Variants in RGS6 observed in about 807,000 individuals in gnomAD.
RGS6 encodes regulator of G protein signaling 6, also known as regulator of G-protein signaling 6.
In RGS6, 30 loss-of-function variants were observed where a neutral mutation model predicts 78.5. The ratio of observed to expected loss-of-function variants is 0.38; its 90% CI spans 0.29 to 0.52. RGS6 has a LOEUF of 0.52. RGS6 is among the 20% of genes least tolerant of loss of function. RGS6 has a pLI of 0.85. For missense variants in RGS6, 495 were observed against 609.7 expected, an observed-to-expected ratio of 0.81 and a Z score of 1.98; for synonymous variants, 206 against 206.0, an observed-to-expected ratio of 1.00 and a Z score of 0.00.
intron 2 of RGS6, among the ~76,000 whole-genome samples, chr14:72,341,917 C>CT (rs3831614): frequency 0.47 from 70,814 of 151,850 alleles, 16,855 homozygotes; most frequent in South Asian, 0.6. Flanking sequence ...ATGTTCCCTG[C>CT]CTTTTCCAGG....
chr14:72,217,407 A>G (rs2045851131), intron 2 of RGS6, among the ~76,000 whole-genome samples: 1 of 152,210 alleles, frequency 6.6e-6, no homozygotes, highest in Non-Finnish European at 1.5e-5. Context: ...CAGTGTGGTA[A>G]GAAGACCTCT....
chr14:71,895,899 G>C, the RGS6 span, among the ~76,000 whole-genome samples: 126,236 of 152,000 alleles, frequency 0.83, 52,615 homozygotes, highest in African/African-American at 0.85. Flanking sequence ...CAGAGAGAGC[G>C]AGGAGATGCA....
chr14:72,562,757 C>T lies in RGS6; in HGVS notation c.*290C>T. On this transcript the variant is annotated 3_prime_UTR_variant, in exon 18 of 18. Transcript: ENST00000553525. ...ACTCGCTAAGAGGCCCTGATCCCAG[C>T]TCATTCAGGGGAGAACACGTCGTGG... 2.6e-6 allele frequency: 4 copies of T among 1,534,064 alleles called. No individual in the cohort carries two copies. The highest frequency in any genetic ancestry group is 3.5e-6 in the Non-Finnish European group (4 of 1,145,010).
the RGS6 span, among the ~76,000 whole-genome samples, chr14:71,918,677 A>T: frequency 2.0e-5 from 3 of 152,178 alleles, no homozygotes; most frequent in Non-Finnish European, 4.4e-5. Context: ...TTATATGTGT[A>T]TATTTTCTTA....
chr14:72,134,437 G>C (rs546224632), intron 2 of RGS6, among the ~76,000 whole-genome samples: 2 of 152,138 alleles, frequency 1.3e-5, no homozygotes, highest in Non-Finnish European at 2.9e-5. Context: ...ACAATGTTGA[G>C]GCTCCTGGTA....
At chr14:71,974,377 A>G (rs947025524) in intron 2 of RGS6, among the ~76,000 whole-genome samples, 1 of 152,242 alleles carries the variant, frequency 6.6e-6, no homozygotes, top group Non-Finnish European at 1.5e-5. Context: ...TCAATAAGGG[A>G]AAGAATATGC....
intron 3 of RGS6, among the ~76,000 whole-genome samples, chr14:72,404,550 C>A (rs946821859): frequency 3.3e-5 from 5 of 152,312 alleles, no homozygotes; most frequent in South Asian, 4.1e-4. Flanking sequence ...TGCCAGCAGC[C>A]CTGCATGCTT....
chr14:72,409,781 T>A (rs2093257833), intron 3 of RGS6, among the ~76,000 whole-genome samples: 1 of 152,166 alleles, frequency 6.6e-6, no homozygotes. Context: ...TTCTCATTGT[T>A]CAGTTCCCAC....
rs112212349 is a variant in RGS6 at position 72,328,838 on chromosome 14, A to G, written c.85-23257A>G. Among the ~76,000 whole-genome samples the G allele has an allele frequency of 9.7e-3, 1,482 of 152,300 alleles. 12 individuals carry two copies. The highest frequency in any genetic ancestry group is 0.023 in the South Asian group (113 of 4,824). ...CTGAGAAAAATGTGAAATATATACAATACTCACTTGCATATACTATTTCTT... is the reference window on the plus strand; with the variant it reads ...CTGAGAAAAATGTGAAATATATACAGTACTCACTTGCATATACTATTTCTT... On this transcript the variant is annotated intron_variant, in intron 2 of 17. Transcript: ENST00000553525.
At chr14:72,540,928 C>T in intron 17 of RGS6, 15 of 985,386 alleles carry the variant, frequency 1.5e-5, no homozygotes, top group Non-Finnish European at 1.8e-5. Context: ...CGTGGCTGTT[C>T]CCTGGGGTGC....
At chr14:71,987,887 T>C (rs1466644440) in intron 2 of RGS6, among the ~76,000 whole-genome samples, 1 of 151,992 alleles carries the variant, frequency 6.6e-6, no homozygotes, top group Non-Finnish European at 1.5e-5. Flanking sequence ...TTCTCATGAC[T>C]GTCCATCTGG....
chr14:72,053,972 G>A (rs2093477031), intron 2 of RGS6, among the ~76,000 whole-genome samples: 1 of 152,186 alleles, frequency 6.6e-6, no homozygotes, highest in Non-Finnish European at 1.5e-5. Flanking sequence ...TGGAAATTGA[G>A]ATAAGACCGA....
chr14:72,255,272 G>A (rs923277502), intron 2 of RGS6, among the ~76,000 whole-genome samples: 4 of 152,160 alleles, frequency 2.6e-5, no homozygotes, highest in African/African-American at 4.8e-5. Context: ...GTAGGTCCAC[G>A]GTGGCCTAGG....
At chr14:72,305,705 T>G (rs2067086939) in intron 2 of RGS6, among the ~76,000 whole-genome samples, 1 of 152,178 alleles carries the variant, frequency 6.6e-6, no homozygotes, top group Non-Finnish European at 1.5e-5. Context: ...TCAGGCTTCT[T>G]TATTCCCTGA....
chr14:72,437,340 CAAAAAAAAA>C (rs57302818), intron 3 of RGS6, among the ~76,000 whole-genome samples: 39 of 81,000 alleles, frequency 4.8e-4, no homozygotes, highest in Non-Finnish European at 7.1e-4. Flanking sequence ...GACTCCATCT[CAAAAAAAAA>C]AAAAAAAAAA....
rs148092020 is a variant in RGS6 at position 72,230,758 on chromosome 14, C to T, written c.85-121337C>T. Reference sequence around the variant, plus strand: ...ACCTCAATTTTGCTTTTAAGGCCTTCCAGGTGAAGAGATGAGGCCCACCTG... The same window carrying T: ...ACCTCAATTTTGCTTTTAAGGCCTTTCAGGTGAAGAGATGAGGCCCACCTG... On this transcript the variant is annotated intron_variant, in intron 2 of 17. Transcript: ENST00000553525. Among the ~76,000 whole-genome samples the T allele has an allele frequency of 1.8e-4, 28 of 152,224 alleles. 1 individual carries two copies. Among genetic ancestry groups the T allele is most frequent in the African/African-American group, 6.5e-4 (27 of 41,536 alleles).
intron 2 of RGS6, among the ~76,000 whole-genome samples, chr14:71,993,654 A>C (rs1420715026): frequency 2.0e-5 from 3 of 152,130 alleles, no homozygotes; most frequent in Non-Finnish European, 4.4e-5. Flanking sequence ...CTACTGCGTG[A>C]GTCTTACAGG....
At chr14:72,257,094 G>A (rs1231811925) in intron 2 of RGS6, among the ~76,000 whole-genome samples, 3 of 152,082 alleles carry the variant, frequency 2.0e-5, no homozygotes, top group Admixed American at 2.0e-4. Context: ...CCAAGATAAG[G>A]AGCCACTGTG....
intron 6 of RGS6, among the ~76,000 whole-genome samples, chr14:72,464,486 T>C (rs1597888312): frequency 6.6e-6 from 1 of 152,062 alleles, no homozygotes; most frequent in Non-Finnish European, 1.5e-5. Flanking sequence ...ATGTCATAGG[T>C]ATCAGTAAAT....
Sources: gnomAD v4.1 joint callset for allele counts (sites outside exome capture counted in the v4.1 genomes callset) on GRCh38, gnomAD v4.1.1 for gene constraint, MANE v1.5 for transcripts, NCBI Gene and HGNC (gene_info 2026-07-23, HGNC 2026-07-21) for gene names.